TAFA1: variants seen among roughly 807,000 people sequenced by gnomAD.
TAFA1 encodes chemokine-like protein TAFA-1.
Under a neutral mutation model 18.5 loss-of-function variants are expected in TAFA1, and 4 were observed. That is an observed-to-expected ratio of 0.22 (90% confidence interval 0.11 to 0.49). The LOEUF (loss-of-function observed/expected upper bound fraction) is 0.49. Among genes scored for constraint, TAFA1 ranks in the 20% least tolerant of loss-of-function variants. TAFA1 has a pLI of 0.98. For missense variants in TAFA1, 147 were observed against 169.0 expected, an observed-to-expected ratio of 0.87 and a Z score of 0.72; for synonymous variants, 56 against 55.2, an observed-to-expected ratio of 1.01 and a Z score of -0.06.
chr3:68,015,303 T>TG (rs1234802788), intron 2 of TAFA1, among the ~76,000 whole-genome samples: 2 of 151,538 alleles, frequency 1.3e-5, no homozygotes, highest in African/African-American at 4.9e-5. Context: ...TTTTTTTTTT[T>TG]GAGACGTAGT....
At chr3:68,177,419 G>A (rs924300232) in intron 2 of TAFA1, among the ~76,000 whole-genome samples, 1 of 152,152 alleles carries the variant, frequency 6.6e-6, no homozygotes, top group Non-Finnish European at 1.5e-5. Flanking sequence ...CTGGAATTCT[G>A]TGCTTCTTCA....
At chr3:68,242,661 C>T (rs1375358878) in intron 2 of TAFA1, among the ~76,000 whole-genome samples, 3 of 152,030 alleles carry the variant, frequency 2.0e-5, no homozygotes, top group Non-Finnish European at 4.4e-5. Context: ...ACTGAAAATG[C>T]CATTTATTTG....
chr3:68,253,627 G>A (rs1320990862), intron 2 of TAFA1, among the ~76,000 whole-genome samples: 1 of 152,160 alleles, frequency 6.6e-6, no homozygotes, highest in East Asian at 1.9e-4. Flanking sequence ...TGCATGGCAG[G>A]TGATGATTGG....
At chr3:68,273,465 T>G (rs1232538620) in intron 2 of TAFA1, among the ~76,000 whole-genome samples, 5 of 152,214 alleles carry the variant, frequency 3.3e-5, no homozygotes, top group Non-Finnish European at 7.3e-5. Context: ...TAACCCCATA[T>G]GCTTTAGGTA....
intron 2 of TAFA1, among the ~76,000 whole-genome samples, chr3:68,191,364 G>A (rs372198391): frequency 2.6e-5 from 4 of 151,822 alleles, no homozygotes; most frequent in African/African-American, 4.8e-5. Context: ...TCAGCATGGC[G>A]GTATTTATTA....
At chr3:68,066,368 G>A (rs2064678248) in intron 2 of TAFA1, among the ~76,000 whole-genome samples, 1 of 152,096 alleles carries the variant, frequency 6.6e-6, no homozygotes, top group Admixed American at 6.6e-5. Flanking sequence ...GCACATAGTA[G>A]GAGCTTGATA....
chr3:68,033,457 A>G (rs2106657833), intron 2 of TAFA1, among the ~76,000 whole-genome samples: 1 of 152,350 alleles, frequency 6.6e-6, no homozygotes, highest in East Asian at 1.9e-4. Flanking sequence ...GGCATTCACA[A>G]TGCAAGCATT....
intron 2 of TAFA1, among the ~76,000 whole-genome samples, chr3:68,288,695 G>A (rs146239452): frequency 9.9e-5 from 15 of 151,894 alleles, no homozygotes; most frequent in African/African-American, 3.1e-4. Context: ...TTGTTTATTC[G>A]TCTTATGCAA....
intron 2 of TAFA1, among the ~76,000 whole-genome samples, chr3:68,412,680 T>C (rs1256576068): frequency 6.6e-6 from 1 of 152,128 alleles, no homozygotes; most frequent in Non-Finnish European, 1.5e-5. Context: ...TCCAGCTTCA[T>C]CCATGTCCCT....
intron 2 of TAFA1, among the ~76,000 whole-genome samples, chr3:68,416,348 T>C (rs2070838000): frequency 6.6e-6 from 1 of 152,206 alleles, no homozygotes; most frequent in Admixed American, 6.5e-5. Context: ...GTAATTTGAA[T>C]ATAGAGGTTG....
intron 2 of TAFA1, among the ~76,000 whole-genome samples, chr3:68,240,614 T>C (rs570308495): frequency 1.3e-5 from 2 of 152,258 alleles, no homozygotes; most frequent in Admixed American, 6.5e-5. Flanking sequence ...CAGGAACCAT[T>C]CTGTGACATA....
intron 2 of TAFA1, among the ~76,000 whole-genome samples, chr3:68,030,035 G>A (rs532286866): frequency 6.6e-6 from 1 of 152,224 alleles, no homozygotes; most frequent in East Asian, 1.9e-4. Flanking sequence ...TCAAGTGTAA[G>A]CTGAATTCCC....
At chr3:68,525,725 T>C (rs950611820) in intron 3 of TAFA1, among the ~76,000 whole-genome samples, 3 of 152,216 alleles carry the variant, frequency 2.0e-5, no homozygotes, top group Admixed American at 6.5e-5. Context: ...GGAGTCCATA[T>C]TTCATCTTCA....
At chr3:68,453,895 C>G (rs2071610150) in intron 3 of TAFA1, among the ~76,000 whole-genome samples, 1 of 152,154 alleles carries the variant, frequency 6.6e-6, no homozygotes, top group African/African-American at 2.4e-5. Flanking sequence ...TAGGGCCTCT[C>G]ACCTTGACAC....
intron 2 of TAFA1, among the ~76,000 whole-genome samples, chr3:68,197,381 G>T (rs903106106): frequency 6.6e-6 from 1 of 151,564 alleles, no homozygotes; most frequent in Admixed American, 6.6e-5. Context: ...ATAAGATCAG[G>T]TGTATCTTTT....
At chr3:68,056,758 C>G (rs2064541667) in intron 2 of TAFA1, among the ~76,000 whole-genome samples, 1 of 152,122 alleles carries the variant, frequency 6.6e-6, no homozygotes, top group African/African-American at 2.4e-5. Context: ...AAATTCCAGG[C>G]ACTTTCAGCC....
chr3:68,047,506 A>T (rs893827348), intron 2 of TAFA1, among the ~76,000 whole-genome samples: 3 of 152,162 alleles, frequency 2.0e-5, no homozygotes, highest in Non-Finnish European at 4.4e-5. Flanking sequence ...AATGAACCAG[A>T]ATTAATGGGA....
At chr3:68,170,379 A>G (rs1646401010) in intron 2 of TAFA1, among the ~76,000 whole-genome samples, 1 of 152,214 alleles carries the variant, frequency 6.6e-6, no homozygotes, top group Admixed American at 6.5e-5. Context: ...TTCTCTGTGC[A>G]AACAGCCCTA....
chr3:68,323,566 C>T (rs1365756139), intron 2 of TAFA1, among the ~76,000 whole-genome samples: 1 of 152,152 alleles, frequency 6.6e-6, no homozygotes, highest in East Asian at 1.9e-4. Flanking sequence ...TAATTTCAGC[C>T]TTCAAAATTA....
Sources: allele counts gnomAD v4.1 joint callset (sites outside exome capture counted in the v4.1 genomes callset), GRCh38; gene constraint gnomAD v4.1.1; transcripts MANE v1.5; gene names NCBI Gene and HGNC (gene_info 2026-07-23, HGNC 2026-07-21).